Variants in FAM53A observed in about 807,000 individuals in gnomAD.
FAM53A encodes the protein protein FAM53A.
Under a neutral mutation model 26.6 loss-of-function variants are expected in FAM53A, and 28 were observed. The ratio of observed to expected loss-of-function variants is 1.05; its 90% CI spans 0.78 to 1.45. The LOEUF (loss-of-function observed/expected upper bound fraction) is 1.45. FAM53A is among the 40% of genes most tolerant of loss of function. FAM53A has a pLI of 0.00. For synonymous variants in FAM53A, 290 were observed against 253.1 expected (o/e 1.15, Z -1.38); for missense variants, 650 against 575.8 (o/e 1.13, Z -1.32).
In FAM53A at chr4:1,684,222, G is replaced by C. The variant is rs1294867169; in HGVS notation, c.-165+11C>G. The C allele has an allele frequency of 1.3e-5, 2 of 151,236 alleles. No homozygotes were observed. The highest frequency in any genetic ancestry group is 3.0e-5 in the Non-Finnish European group (2 of 67,658). 9.4% of individuals were successfully genotyped at this position (151,236 alleles called of 1,614,324 possible). A position where few individuals can be genotyped will look rare whatever the true frequency, so the allele number is the denominator to read the frequency against. On this transcript the variant is annotated intron_variant, in intron 1 of 4. Coordinates refer to ENST00000308132, the MANE Select transcript of FAM53A (RefSeq NM_001174070.3). ...GAGGGGGCGGCGGCGCGCTCCGCCC[G>C]GGCTCGGTACCTGAGCGCGGCCGCG...
intron 4 of FAM53A, among the ~76,000 whole-genome samples, chr4:1,642,524 A>G (rs13117684): frequency 0.39 from 59,889 of 151,620 alleles, 12,902 homozygotes; most frequent in African/African-American, 0.56. Flanking sequence ...CAACCAGAGC[A>G]CTCTGAGCTG....
chr4:1,608,719 C>G, the FAM53A span, among the ~76,000 whole-genome samples: 1 of 152,208 alleles, frequency 6.6e-6, no homozygotes, highest in African/African-American at 2.4e-5. Flanking sequence ...CAGCCCCGTC[C>G]ATCACTCCCC....
downstream of FAM53A, among the ~76,000 whole-genome samples, chr4:1,612,960 C>T (rs1714682020): frequency 6.6e-6 from 1 of 152,232 alleles, no homozygotes; most frequent in Admixed American, 6.5e-5. Context: ...AGCACAAATT[C>T]ACTAACCCAG....
chr4:1,640,832 G>A lies in FAM53A; in HGVS notation c.*461C>T, dbSNP rs565552203. 5.0e-4 allele frequency: 199 copies of A among 397,058 alleles called. No homozygotes were observed. The highest frequency in any genetic ancestry group is 3.1e-3 in the African/African-American group (133 of 43,418). The allele number at this position is 397,058 out of a possible 1,614,324, so 24.6% of individuals were successfully genotyped here. A position where few individuals can be genotyped will look rare whatever the true frequency, so the allele number is the denominator to read the frequency against. ...TCTGTGCCCCGGGGCAGGTGCAGGC[G>A]GCAGCCATGGCCCCGACCAGCTCAC... On this transcript the variant is annotated 3_prime_UTR_variant, in exon 5 of 5. Coordinates refer to ENST00000308132, the MANE Select transcript of FAM53A (RefSeq NM_001174070.3).
At chr4:1,635,836 CTTTTT>C (rs141715501), downstream of FAM53A, among the ~76,000 whole-genome samples, 12 of 81,520 alleles carry the variant, frequency 1.5e-4, no homozygotes, top group African/African-American at 6.2e-4. Flanking sequence ...AATACTAATT[CTTTTT>C]TTTTTTTTTT....
rs1577106578 is a variant in FAM53A, at chr4:1,644,357, C to G, written c.883-2750G>C. On this transcript the variant is annotated intron_variant, in intron 4 of 4. Coordinates refer to ENST00000308132, the MANE Select transcript of FAM53A (RefSeq NM_001174070.3). ...CAGCTGTGCGGCTAGAGCGTGAAAA[C>G]AGCAGGCTCTGAACGCCTCTGGACG... The G allele has an allele frequency of 3.9e-6, 6 of 1,535,534 alleles. No homozygotes were observed. In the East Asian group the frequency reaches 1.5e-4, roughly 38 times the overall value.
intron 4 of FAM53A, among the ~76,000 whole-genome samples, chr4:1,652,149 ACAC>A (rs1188852330): frequency 7.9e-6 from 1 of 126,070 alleles, no homozygotes; most frequent in East Asian, 2.3e-4. Context: ...CACACACACC[ACAC>A]GTCACACACA....
At chr4:1,579,097 G>A in the FAM53A span, among the ~76,000 whole-genome samples, 5 of 150,922 alleles carry the variant, frequency 3.3e-5, no homozygotes, top group African/African-American at 1.2e-4. Flanking sequence ...CAGCGCTGCT[G>A]GACGCCCCTC....
chr4:1,600,478 C>T, the FAM53A span, among the ~76,000 whole-genome samples: 1 of 152,030 alleles, frequency 6.6e-6, no homozygotes, highest in Admixed American at 6.5e-5. Flanking sequence ...CAGGGCTGCA[C>T]CAGGAGGCCA....
the FAM53A span, among the ~76,000 whole-genome samples, chr4:1,606,364 G>T: frequency 6.6e-6 from 1 of 152,008 alleles, no homozygotes; most frequent in Non-Finnish European, 1.5e-5. Context: ...TCTTACTGGG[G>T]TCTATGTCAT....
intron 1 of FAM53A, among the ~76,000 whole-genome samples, chr4:1,629,209 G>A (rs555585383): frequency 6.6e-6 from 1 of 152,176 alleles, no homozygotes; most frequent in South Asian, 2.1e-4. Context: ...CATCCCCACC[G>A]CACCTGGGAC....
At chr4:1,683,736 G>A (rs1372595847) in intron 1 of FAM53A, 1 of 152,230 alleles carries the variant, frequency 6.6e-6, no homozygotes, top group Non-Finnish European at 1.5e-5. Flanking sequence ...GGGGCTCCGC[G>A]ACTGCGCTCA....
At chr4:1,628,909 T>C (rs1715483676) in intron 1 of FAM53A, among the ~76,000 whole-genome samples, 1 of 151,652 alleles carries the variant, frequency 6.6e-6, no homozygotes, top group South Asian at 2.1e-4. Flanking sequence ...CCCTACTCCG[T>C]AGCCCAAGAT....
intron 1 of FAM53A, among the ~76,000 whole-genome samples, chr4:1,681,349 T>G (rs1191461614): frequency 6.6e-6 from 1 of 152,076 alleles, no homozygotes; most frequent in Non-Finnish European, 1.5e-5. Context: ...CTACCCACCT[T>G]GTAGGGTCCA....
At chr4:1,617,423 C>T (rs532474834), downstream of FAM53A, among the ~76,000 whole-genome samples, 2 of 152,308 alleles carry the variant, frequency 1.3e-5, no homozygotes, top group South Asian at 2.1e-4. Flanking sequence ...CAGGGAAGTG[C>T]TGAAGCCTTC....
At chr4:1,673,476 G>T (rs550566756) in intron 1 of FAM53A, among the ~76,000 whole-genome samples, 1 of 152,238 alleles carries the variant, frequency 6.6e-6, no homozygotes, top group Admixed American at 6.5e-5. Flanking sequence ...GCTCATGCCT[G>T]TAATCCCAGC....
chr4:1,624,960 C>T (rs1053449779), intron 1 of FAM53A, among the ~76,000 whole-genome samples: 4 of 142,112 alleles, frequency 2.8e-5, no homozygotes, highest in South Asian at 2.2e-4. Context: ...GAAGCCCCCA[C>T]GTCCCGGCCC....
At position 1,641,426 on chromosome 4, in the gene FAM53A, G is replaced by C; in HGVS notation, c.1064C>G (p.Ser355Cys). Reference sequence around the variant, plus strand: ...GCCATCACTGGTCACCGACTCCCTAGAGGCCCACAGGTTGGGGTGGACAGG... The same window carrying C: ...GCCATCACTGGTCACCGACTCCCTACAGGCCCACAGGTTGGGGTGGACAGG... ...TSPVHPNLWA[S>C]RESVTSDGSR... Residue 355 changes from serine (S) to cysteine (C), a missense_variant, in exon 5 of 5, where the codon TCT becomes TGT. Coordinates refer to ENST00000308132, the MANE Select transcript of FAM53A (RefSeq NM_001174070.3). 1 of 1,613,112 alleles carries C rather than the reference G, an allele frequency of 6.2e-7. No homozygotes were observed. The highest frequency in any genetic ancestry group is 8.5e-7 in the Non-Finnish European group (1 of 1,179,620).
At chr4:1,631,034 C>T (rs995388556) in intron 1 of FAM53A, among the ~76,000 whole-genome samples, 5 of 152,074 alleles carry the variant, frequency 3.3e-5, no homozygotes, top group Non-Finnish European at 5.9e-5. Flanking sequence ...CTGGGGGAGA[C>T]CCTGTCTCAA....
Sources: gnomAD v4.1 joint callset for allele counts (sites outside exome capture counted in the v4.1 genomes callset) on GRCh38, gnomAD v4.1.1 for gene constraint, MANE v1.5 for transcripts, NCBI Gene and HGNC (gene_info 2026-07-23, HGNC 2026-07-21) for gene names.